Variants in MAGI2 observed in about 807,000 individuals in gnomAD.
MAGI2 encodes the protein membrane associated guanylate kinase, WW and PDZ domain containing 2.
In MAGI2, 35 loss-of-function variants were observed where a neutral mutation model predicts 133.3. The ratio of observed to expected loss-of-function variants is 0.26; its 90% CI spans 0.20 to 0.35. The LOEUF is 0.35. Among genes scored for constraint, MAGI2 ranks in the 10% least tolerant of loss-of-function variants. The pLI is 1.00. For missense variants in MAGI2, 1,636 were observed against 1,863.4 expected, an observed-to-expected ratio of 0.88 and a Z score of 2.25; for synonymous variants, 729 against 710.6, an observed-to-expected ratio of 1.03 and a Z score of -0.41.
At chr7:78,940,392 A>G (rs1800872025) in intron 2 of MAGI2, 1 of 152,158 alleles carries the variant, frequency 6.6e-6, no homozygotes, top group Non-Finnish European at 1.5e-5. Context: ...TTGAGAGAGT[A>G]AAGAAGAGTT....
intron 2 of MAGI2, among the ~76,000 whole-genome samples, chr7:78,685,681 C>T (rs1179545991): frequency 2.0e-5 from 3 of 151,674 alleles, no homozygotes; most frequent in Non-Finnish European, 4.4e-5. Flanking sequence ...TATAGGTTAG[C>T]ACATAGTATG....
At chr7:78,850,713 A>C (rs1409480817) in intron 2 of MAGI2, among the ~76,000 whole-genome samples, 2 of 152,018 alleles carry the variant, frequency 1.3e-5, no homozygotes, top group African/African-American at 4.8e-5. Flanking sequence ...GCTTTGAGGG[A>C]GTCCCTGTCT....
At chr7:78,293,359 G>A (rs1290471722) in intron 9 of MAGI2, among the ~76,000 whole-genome samples, 2 of 152,184 alleles carry the variant, frequency 1.3e-5, no homozygotes, top group African/African-American at 4.8e-5. Flanking sequence ...GGCCATCAGA[G>A]AAATGCAAAT....
At chr7:78,764,528 A>G (rs1824817702) in intron 2 of MAGI2, among the ~76,000 whole-genome samples, 1 of 152,208 alleles carries the variant, frequency 6.6e-6, no homozygotes. Flanking sequence ...GCTAAGTCCC[A>G]TTGACCATTT....
chr7:79,363,964 C>T (rs1384636033), intron 1 of MAGI2, among the ~76,000 whole-genome samples: 3 of 151,776 alleles, frequency 2.0e-5, no homozygotes, highest in African/African-American at 7.2e-5. Flanking sequence ...AGAAGACATA[C>T]AAATTGCAAA....
At chr7:78,209,617 C>A (rs1245965193) in intron 10 of MAGI2, among the ~76,000 whole-genome samples, 2 of 152,064 alleles carry the variant, frequency 1.3e-5, no homozygotes, top group Non-Finnish European at 2.9e-5. Context: ...AAATTTCCGT[C>A]TTTTCTGTCT....
intron 2 of MAGI2, among the ~76,000 whole-genome samples, chr7:78,669,377 G>T (rs895977219): frequency 2.6e-5 from 4 of 152,170 alleles, no homozygotes; most frequent in Admixed American, 2.0e-4. Context: ...CCAGGAAGAA[G>T]TTGAATCTCT....
intron 1 of MAGI2, among the ~76,000 whole-genome samples, chr7:79,324,654 ATT>A (rs1491504142): frequency 1.2e-3 from 3 of 2,498 alleles, no homozygotes; most frequent in African/African-American, 4.1e-3. Context: ...ATATATATAT[ATT>A]ATATATATAT....
intron 6 of MAGI2, among the ~76,000 whole-genome samples, chr7:78,408,155 A>T (rs1443584439): frequency 6.6e-6 from 1 of 152,044 alleles, no homozygotes; most frequent in Non-Finnish European, 1.5e-5. Flanking sequence ...TTTATTAAAA[A>T]TATAAAAACA....
At chr7:78,827,073 T>G (rs1438820094) in intron 2 of MAGI2, among the ~76,000 whole-genome samples, 1 of 152,104 alleles carries the variant, frequency 6.6e-6, no homozygotes, top group African/African-American at 2.4e-5. Flanking sequence ...TACAGATACA[T>G]ATAGATACAG....
At chr7:78,558,775 C>T (rs1247921322) in intron 3 of MAGI2, among the ~76,000 whole-genome samples, 5 of 151,324 alleles carry the variant, frequency 3.3e-5, no homozygotes, top group African/African-American at 1.2e-4. Context: ...TCAGTTGGCC[C>T]ACGTGAGGGT....
At chr7:78,110,742 G>A (rs1819277039) in intron 20 of MAGI2, among the ~76,000 whole-genome samples, 2 of 152,174 alleles carry the variant, frequency 1.3e-5, no homozygotes, top group South Asian at 4.1e-4. Flanking sequence ...CCACAGGCAG[G>A]AGCAATGCCA....
chr7:79,082,755 T>G (rs1022105373), intron 1 of MAGI2, among the ~76,000 whole-genome samples: 15 of 152,090 alleles, frequency 9.9e-5, no homozygotes, highest in East Asian at 7.7e-4. Context: ...CTGTTGAGAT[T>G]TTGATAGTGA....
At chr7:79,147,596 C>T (rs1822771167) in intron 1 of MAGI2, among the ~76,000 whole-genome samples, 1 of 152,188 alleles carries the variant, frequency 6.6e-6, no homozygotes, top group Non-Finnish European at 1.5e-5. Flanking sequence ...TGATGTCCAC[C>T]CCAGGGCCCA....
chr7:78,243,282 CTCTCTT>C (rs1277153461), intron 10 of MAGI2, among the ~76,000 whole-genome samples: 6 of 136,560 alleles, frequency 4.4e-5, no homozygotes, highest in African/African-American at 1.3e-4. Context: ...CTCTCTCTCT[CTCTCTT>C]ATAAAACAAA....
intron 6 of MAGI2, among the ~76,000 whole-genome samples, chr7:78,382,346 T>C (rs1211206644): frequency 8.5e-6 from 1 of 117,236 alleles, no homozygotes; most frequent in Non-Finnish European, 2.0e-5. Flanking sequence ...CATGCTCTCT[T>C]ATTCAAAAAA....
rs191594505 is a variant in MAGI2 at position 78,749,576 on chromosome 7, C to T, written c.419-122337G>A. ...TGAGAAAGAAAGCCCAAAGATCACA[C>T]TGGAAAGAGCTGAAGCATAAGGGGA... On this transcript the variant is annotated intron_variant, in intron 2 of 21. Transcript: ENST00000354212. Among the ~76,000 whole-genome samples the T allele has an allele frequency of 1.3e-3, 204 of 152,220 alleles. 3 individuals are homozygous for T. Among genetic ancestry groups the T allele is most frequent in the Non-Finnish European group, 6.3e-4 (43 of 68,014 alleles).
chr7:78,789,350 C>G (rs1432318281), intron 2 of MAGI2, among the ~76,000 whole-genome samples: 4 of 152,142 alleles, frequency 2.6e-5, no homozygotes, highest in Non-Finnish European at 4.4e-5. Context: ...CCATTAAATT[C>G]AACTTCAATT....
At chr7:78,489,190 AT>A (rs1793357841) in intron 6 of MAGI2, among the ~76,000 whole-genome samples, 1 of 152,050 alleles carries the variant, frequency 6.6e-6, no homozygotes, top group African/African-American at 2.4e-5. Context: ...TTTTTAAAAG[AT>A]TCTTCACATG....
Sources: allele counts gnomAD v4.1 joint callset (sites outside exome capture counted in the v4.1 genomes callset), GRCh38; gene constraint gnomAD v4.1.1; transcripts MANE v1.5; gene names NCBI Gene and HGNC (gene_info 2026-07-23, HGNC 2026-07-21).